FBXW11: variants seen among roughly 807,000 people sequenced by gnomAD.
FBXW11 encodes F-box and WD repeat domain containing 11.
In FBXW11, 19 loss-of-function variants were observed where a neutral mutation model predicts 77.6. The ratio of observed to expected loss-of-function variants is 0.24; its 90% CI spans 0.17 to 0.36. The LOEUF is 0.36. FBXW11 is among the 10% of genes least tolerant of loss of function. The pLI, the probability that FBXW11 is intolerant of heterozygous loss-of-function variation, is 1.00. For synonymous variants in FBXW11, 235 were observed against 249.4 expected (o/e 0.94, Z 0.54); for missense variants, 334 against 704.2 (o/e 0.47, Z 5.95).
rs181114914 is a variant in FBXW11, at chr5:171,979,453, C to T, written c.46-21755G>A. The stretch of plus-strand genomic sequence containing the variant: ...TTTGTTCTTTTTCCATCTTACTTTA[C>T]GTTTTTCATTACATTTTTCCATCTT... On this transcript the variant is annotated intron_variant, in intron 1 of 13. Coordinates refer to ENST00000517395, the MANE Select transcript of FBXW11 (RefSeq NM_001378974.1). Among the ~76,000 whole-genome samples the T allele has an allele frequency of 1.1e-4, 16 of 152,002 alleles. 1 individual carries two copies. The East Asian group carries it at 2.9e-3, about 28-fold the overall frequency.
intron 2 of FBXW11, among the ~76,000 whole-genome samples, chr5:171,954,340 T>C (rs1241602413): frequency 6.6e-6 from 1 of 152,188 alleles, no homozygotes; most frequent in Non-Finnish European, 1.5e-5. Flanking sequence ...GCAGGTCAAT[T>C]CACCTCTATA....
At chr5:171,953,530 T>C (rs1763460660) in intron 2 of FBXW11, among the ~76,000 whole-genome samples, 1 of 152,214 alleles carries the variant, frequency 6.6e-6, no homozygotes, top group Non-Finnish European at 1.5e-5. Flanking sequence ...CATGGTCTTT[T>C]AGCTAATCCT....
At chr5:172,001,062 T>C (rs945428676) in intron 1 of FBXW11, among the ~76,000 whole-genome samples, 9 of 152,248 alleles carry the variant, frequency 5.9e-5, no homozygotes, top group Non-Finnish European at 1.3e-4. Flanking sequence ...AATATGTCTA[T>C]GGATGTCCTA....
chr5:171,905,741 A>G (rs1760468302), intron 4 of FBXW11, among the ~76,000 whole-genome samples: 1 of 152,202 alleles, frequency 6.6e-6, no homozygotes, highest in Non-Finnish European at 1.5e-5. Context: ...AAGCCTATTC[A>G]GGACAAAGAG....
At chr5:171,941,342 C>A (rs1403712787) in intron 2 of FBXW11, among the ~76,000 whole-genome samples, 1 of 152,096 alleles carries the variant, frequency 6.6e-6, no homozygotes, top group African/African-American at 2.4e-5. Context: ...GGTCTGTAAT[C>A]TTCAGAAGTG....
intron 1 of FBXW11, among the ~76,000 whole-genome samples, chr5:172,000,871 G>T (rs918866028): frequency 6.6e-6 from 1 of 152,164 alleles, no homozygotes; most frequent in Non-Finnish European, 1.5e-5. Flanking sequence ...CAAAGCCCAT[G>T]CCCTTTCTGC....
At chr5:171,878,282 G>C (rs73329805) in intron 7 of FBXW11, among the ~76,000 whole-genome samples, 153 bp from the exon 8 acceptor site, 1 of 152,192 alleles carries the variant, frequency 6.6e-6, no homozygotes, top group Non-Finnish European at 1.5e-5. Context: ...GAAATGACAA[G>C]AAGGAATACA....
intron 2 of FBXW11, among the ~76,000 whole-genome samples, chr5:171,931,852 CCTCCCTCCCTCTCTCTCTCT>C (rs1280922564): frequency 1.8e-4 from 2 of 11,074 alleles, no homozygotes; most frequent in African/African-American, 6.5e-4. Flanking sequence ...TCCCTCCCTC[CCTCCCTCCCTCTCTCTCTCT>C]CTCTCTCTCT....
intron 2 of FBXW11, among the ~76,000 whole-genome samples, chr5:171,934,676 CAAAAAAA>C (rs34077162): frequency 4.3e-5 from 3 of 69,204 alleles, no homozygotes; most frequent in African/African-American, 1.1e-4. Flanking sequence ...GACCCTGTCT[CAAAAAAA>C]AAAAAAAAAA....
chr5:172,005,988 A>T (rs1397690396), intron 1 of FBXW11, among the ~76,000 whole-genome samples: 3 of 151,852 alleles, frequency 2.0e-5, no homozygotes, highest in African/African-American at 7.3e-5. Flanking sequence ...GGGTGCTGAG[A>T]CCTCTCCTAG....
intron 6 of FBXW11, among the ~76,000 whole-genome samples, chr5:171,897,251 G>T (rs1254656105): frequency 6.6e-6 from 1 of 152,160 alleles, no homozygotes; most frequent in South Asian, 2.1e-4. Context: ...GCTATTAGTG[G>T]TACATTACTT....
At chr5:171,982,787 G>A (rs1765219445) in intron 1 of FBXW11, among the ~76,000 whole-genome samples, 2 of 152,056 alleles carry the variant, frequency 1.3e-5, no homozygotes, top group South Asian at 2.1e-4. Flanking sequence ...ACGGAATCTC[G>A]GTGACCTTCT....
At position 171,862,251 on chromosome 5, in the gene FBXW11, G is replaced by A. The variant is rs1378018015; in HGVS notation, c.*1876C>T. Reference sequence around the variant, plus strand: ...TACAACATCCACCTTATGAATGGAGGTTTATTGTTTACACTTTGAGACTCA... The same window carrying A: ...TACAACATCCACCTTATGAATGGAGATTTATTGTTTACACTTTGAGACTCA... On this transcript the variant is annotated 3_prime_UTR_variant, in exon 14 of 14. Transcript: ENST00000517395. 1.3e-5 allele frequency: 2 copies of A among 152,524 alleles called. No individual in the cohort carries two copies. The highest frequency in any genetic ancestry group is 1.5e-5 in the Non-Finnish European group (1 of 68,034). The allele number at this position is 152,524 out of a possible 1,614,324, so 9.4% of individuals were successfully genotyped here.
intron 1 of FBXW11, among the ~76,000 whole-genome samples, chr5:171,985,036 T>C (rs890489907): frequency 6.6e-6 from 1 of 152,212 alleles, no homozygotes; most frequent in African/African-American, 2.4e-5. Flanking sequence ...TTTACATTCA[T>C]ATCAATACAA....
chr5:171,990,197 C>T (rs932215144), intron 1 of FBXW11, among the ~76,000 whole-genome samples: 4 of 151,826 alleles, frequency 2.6e-5, no homozygotes, highest in African/African-American at 9.7e-5. Flanking sequence ...TCAAATATGA[C>T]AAAATGTTAA....
chr5:171,992,547 G>A (rs143572806), intron 1 of FBXW11, among the ~76,000 whole-genome samples: 238 of 151,710 alleles, frequency 1.6e-3, no homozygotes, highest in Non-Finnish European at 2.5e-3. Flanking sequence ...GGAAAGGAAA[G>A]GAAAGGAAGA....
chr5:171,943,592 G>A (rs1471603676), intron 2 of FBXW11, among the ~76,000 whole-genome samples: 1 of 152,170 alleles, frequency 6.6e-6, no homozygotes, highest in African/African-American at 2.4e-5. Flanking sequence ...CCGAGTAGCT[G>A]GGATTACAGG....
intron 6 of FBXW11, 79 bp downstream of exon 6, chr5:171,898,925 A>G: frequency 1.2e-6 from 1 of 864,112 alleles, no homozygotes. Flanking sequence ...ATTTTAGACC[A>G]AAAGAACACT....
At chr5:171,923,630 A>G (rs1761714678) in intron 2 of FBXW11, among the ~76,000 whole-genome samples, 1 of 152,184 alleles carries the variant, frequency 6.6e-6, no homozygotes. Flanking sequence ...AATCCATTAT[A>G]GTTTAAAATA....
Sources: allele counts gnomAD v4.1 joint callset (sites outside exome capture counted in the v4.1 genomes callset), GRCh38; gene constraint gnomAD v4.1.1; transcripts MANE v1.5; gene names NCBI Gene and HGNC (gene_info 2026-07-23, HGNC 2026-07-21).